MYLK: variants seen among roughly 807,000 people sequenced by gnomAD.
MYLK encodes myosin light chain kinase, smooth muscle.
MYLK carries 106 observed loss-of-function variants against 203.4 expected under a neutral mutation model. That is an observed-to-expected ratio of 0.52 (90% CI 0.45 to 0.61). The LOEUF (loss-of-function observed/expected upper bound fraction) is 0.61. MYLK is among the 20% of genes least tolerant of loss of function. MYLK has a pLI of 0.00. For synonymous variants in MYLK, 867 were observed against 959.5 expected (o/e 0.90, Z 1.78); for missense variants, 2,072 against 2,442.3 (o/e 0.85, Z 3.20).
intron 21 of MYLK, chr3:123,666,936 G>C (rs756387462): frequency 1.6e-6 from 1 of 621,344 alleles, no homozygotes; most frequent in Non-Finnish European, 2.9e-6. Flanking sequence ...GCTGTGGAAG[G>C]GGACCAGGAG....
At chr3:123,696,466 G>A (rs776496334) in intron 18 of MYLK, among the ~76,000 whole-genome samples, 49 of 152,036 alleles carry the variant, frequency 3.2e-4, no homozygotes, top group Admixed American at 2.6e-3. Flanking sequence ...GGAGGCCAGC[G>A]GAGCCATTCC....
intron 4 of MYLK, among the ~76,000 whole-genome samples, chr3:123,785,542 T>G (rs2109055863): frequency 6.6e-6 from 1 of 152,336 alleles, no homozygotes; most frequent in Admixed American, 6.5e-5. Context: ...ACAGATCACA[T>G]TTTTCTTTGA....
chr3:123,676,268 G>A (rs1437750620), intron 20 of MYLK, among the ~76,000 whole-genome samples: 2 of 152,162 alleles, frequency 1.3e-5, no homozygotes, highest in Non-Finnish European at 1.5e-5. Flanking sequence ...ATTTTGGTTG[G>A]GAGTAACTGG....
intron 2 of MYLK, among the ~76,000 whole-genome samples, chr3:123,851,934 A>G (rs996735937): frequency 6.6e-6 from 1 of 152,206 alleles, no homozygotes; most frequent in African/African-American, 2.4e-5. Context: ...TACCTAAATT[A>G]CTGAGAGTTT....
intron 4 of MYLK, among the ~76,000 whole-genome samples, chr3:123,773,659 G>A (rs1032098284): frequency 6.6e-6 from 1 of 152,222 alleles, no homozygotes. Context: ...CGATAGAAAA[G>A]CCTCTGTAGC....
chr3:123,821,192 C>T (rs1205258302), intron 3 of MYLK, among the ~76,000 whole-genome samples: 1 of 152,136 alleles, frequency 6.6e-6, no homozygotes, highest in Non-Finnish European at 1.5e-5. Context: ...AACTCTTGAA[C>T]TATCATGCTT....
intron 13 of MYLK, among the ~76,000 whole-genome samples, chr3:123,720,649 T>C (rs2062056157): frequency 6.6e-6 from 1 of 152,192 alleles, no homozygotes; most frequent in African/African-American, 2.4e-5. Context: ...GTTAGAACTA[T>C]GAGGATAAAT....
At chr3:123,693,325 A>T (rs1230712086) in intron 18 of MYLK, among the ~76,000 whole-genome samples, 1 of 152,178 alleles carries the variant, frequency 6.6e-6, no homozygotes, top group Admixed American at 6.5e-5. Context: ...ATTCTGGAAA[A>T]GGGAGCTTTG....
chr3:123,768,271 G>T (rs1388700363), intron 4 of MYLK, among the ~76,000 whole-genome samples: 1 of 152,228 alleles, frequency 6.6e-6, no homozygotes, highest in African/African-American at 2.4e-5. Flanking sequence ...TCCAAGCTTG[G>T]TGTTTTTCCC....
At chr3:123,732,479 G>T (rs1047407964) in intron 11 of MYLK, among the ~76,000 whole-genome samples, 7 of 152,102 alleles carry the variant, frequency 4.6e-5, no homozygotes, top group African/African-American at 1.7e-4. Flanking sequence ...TCCCCACAAT[G>T]AACATGCATT....
intron 3 of MYLK, among the ~76,000 whole-genome samples, chr3:123,794,524 T>A (rs1279365415): frequency 6.6e-6 from 1 of 152,138 alleles, no homozygotes; most frequent in Non-Finnish European, 1.5e-5. Context: ...ATGCCTCTGC[T>A]TATAACTGAA....
At chr3:123,687,587 TCTTCCTTCCTTC>T (rs761614652) in intron 19 of MYLK, among the ~76,000 whole-genome samples, 1 of 148,578 alleles carries the variant, frequency 6.7e-6, no homozygotes, top group Admixed American at 6.7e-5. Context: ...TTCCTTCCTT[TCTTCCTTCCTTC>T]CTTCCTTCCT....
At chr3:123,759,113 CTG>C (rs2063453435) in intron 4 of MYLK, among the ~76,000 whole-genome samples, 2 of 152,214 alleles carry the variant, frequency 1.3e-5, no homozygotes, top group Non-Finnish European at 2.9e-5. Context: ...GCATGAGACA[CTG>C]TGCCTGGCCA....
In MYLK at chr3:123,704,579, G is replaced by A. The variant is rs137961539; in HGVS notation, c.2391-3070C>T. 4.4e-3 allele frequency among the ~76,000 whole-genome samples: 667 copies of A among 152,148 alleles called. 2 individuals carry two copies. Among genetic ancestry groups the A allele is most frequent in the Non-Finnish European group, 7.6e-3 (517 of 68,016 alleles). On this transcript the variant is annotated intron_variant, in intron 16 of 33. Coordinates refer to ENST00000360304, the MANE Select transcript of MYLK (RefSeq NM_053025.4). ...TCCCACCCTGAATCATCTACCTCTT[G>A]GATGGGTTCTATATGGAAAAATTAC... is the stretch of plus-strand genomic sequence containing the variant.
chr3:123,817,139 T>C (rs1424484349), intron 3 of MYLK, among the ~76,000 whole-genome samples: 3 of 152,232 alleles, frequency 2.0e-5, no homozygotes, highest in Non-Finnish European at 4.4e-5. Flanking sequence ...CAAGAATTCC[T>C]CAGGGTTATG....
chr3:123,778,373 C>T (rs113284803), intron 4 of MYLK, among the ~76,000 whole-genome samples: 5,408 of 151,978 alleles, frequency 0.036, 147 homozygotes, highest in Non-Finnish European at 0.053. Flanking sequence ...ATTAGCCGAG[C>T]GTGGTGGCAG....
chr3:123,830,163 T>C (rs575266426), intron 3 of MYLK, among the ~76,000 whole-genome samples: 2 of 152,312 alleles, frequency 1.3e-5, no homozygotes, highest in East Asian at 3.9e-4. Flanking sequence ...ATTTTGTGCA[T>C]CCTTTGATCT....
chr3:123,769,468 C>G (rs757609034), intron 4 of MYLK, among the ~76,000 whole-genome samples: 1 of 152,240 alleles, frequency 6.6e-6, no homozygotes, highest in African/African-American at 2.4e-5. Flanking sequence ...TACACCTATT[C>G]TGAACTTGTC....
At chr3:123,696,691 G>A (rs2060941899) in intron 18 of MYLK, among the ~76,000 whole-genome samples, 1 of 152,142 alleles carries the variant, frequency 6.6e-6, no homozygotes, top group South Asian at 2.1e-4. Flanking sequence ...CCTGACTGTG[G>A]TTGTGGCTAC....
Sources: allele counts gnomAD v4.1 joint callset (sites outside exome capture counted in the v4.1 genomes callset), GRCh38; gene constraint gnomAD v4.1.1; transcripts MANE v1.5; gene names NCBI Gene and HGNC (gene_info 2026-07-23, HGNC 2026-07-21).